The following DLG2 variants were observed in gnomAD, a reference collection of about 807,000 sequenced individuals.
DLG2 encodes disks large homolog 2.
DLG2 carries 45 observed loss-of-function variants against 132.5 expected under a neutral mutation model. The observed-to-expected ratio is 0.34, with a 90% CI of 0.27 to 0.44. DLG2 has a LOEUF of 0.44. Among genes scored for constraint, DLG2 ranks in the 20% least tolerant of loss-of-function variants. The probability of loss-of-function intolerance (pLI) is 1.00; values close to 1 mark genes in which losing one functional copy is unlikely to be tolerated. For missense variants in DLG2, 1,045 were observed against 1,196.9 expected, an observed-to-expected ratio of 0.87 and a Z score of 1.87; for synonymous variants, 424 against 419.6, an observed-to-expected ratio of 1.01 and a Z score of -0.13.
chr11:85,608,237 C>G (rs2080731881), intron 2 of DLG2, among the ~76,000 whole-genome samples: 2 of 152,084 alleles, frequency 1.3e-5, no homozygotes, highest in African/African-American at 4.8e-5. Context: ...ACTCAGGCAT[C>G]AAAAGGCTCA....
chr11:84,027,841 A>G (rs1238808457), intron 11 of DLG2, among the ~76,000 whole-genome samples: 1 of 152,000 alleles, frequency 6.6e-6, no homozygotes, highest in East Asian at 1.9e-4. Flanking sequence ...AGATTTGTAA[A>G]ATAATGTAGG....
intron 9 of DLG2, among the ~76,000 whole-genome samples, chr11:84,158,127 C>T (rs1405784209): frequency 6.6e-6 from 1 of 151,574 alleles, no homozygotes; most frequent in Non-Finnish European, 1.5e-5. Flanking sequence ...GCAGTGGCAC[C>T]ATCTTGGCTC....
At chr11:85,371,569 T>G (rs991018548) in intron 3 of DLG2, among the ~76,000 whole-genome samples, 1 of 152,196 alleles carries the variant, frequency 6.6e-6, no homozygotes, top group Non-Finnish European at 1.5e-5. Flanking sequence ...AGGGTATGCT[T>G]CCGTTTGAGG....
chr11:84,065,442 A>G (rs2096656601), intron 10 of DLG2, among the ~76,000 whole-genome samples: 1 of 152,216 alleles, frequency 6.6e-6, no homozygotes, highest in African/African-American at 2.4e-5. Flanking sequence ...AGACATAGAC[A>G]TGGCCAGCAA....
At chr11:85,460,528 T>C (rs2092572896) in intron 3 of DLG2, among the ~76,000 whole-genome samples, 1 of 152,158 alleles carries the variant, frequency 6.6e-6, no homozygotes, top group African/African-American at 2.4e-5. Context: ...CTTTGCTCCA[T>C]TCTCCATGGG....
chr11:83,777,981 C>T (rs715858), intron 18 of DLG2, among the ~76,000 whole-genome samples: 106,025 of 152,078 alleles, frequency 0.7, 38,709 homozygotes, highest in African/African-American at 0.91. Flanking sequence ...ATGACTTAGG[C>T]GTGCTCAATA....
chr11:85,384,527 T>A (rs2086163303), intron 3 of DLG2, among the ~76,000 whole-genome samples: 1 of 152,220 alleles, frequency 6.6e-6, no homozygotes, highest in South Asian at 2.1e-4. Flanking sequence ...TCCCTATTTA[T>A]AAACTGAGCT....
chr11:84,186,616 C>G (rs185603803), intron 8 of DLG2, among the ~76,000 whole-genome samples: 1 of 151,906 alleles, frequency 6.6e-6, no homozygotes, highest in African/African-American at 2.4e-5. Context: ...ACCTCTAATA[C>G]CCCACAGAGT....
intron 3 of DLG2, among the ~76,000 whole-genome samples, chr11:85,355,819 T>C (rs1332916563): frequency 6.6e-6 from 1 of 152,182 alleles, no homozygotes; most frequent in African/African-American, 2.4e-5. Flanking sequence ...TATCCAAGAC[T>C]AAGAGTTTAA....
intron 7 of DLG2, among the ~76,000 whole-genome samples, chr11:84,378,621 T>C (rs2098738308): frequency 6.6e-6 from 1 of 151,772 alleles, no homozygotes; most frequent in Non-Finnish European, 1.5e-5. Context: ...ACACTGTGTG[T>C]TCTAAAAACC....
At chr11:85,143,906 T>G (rs2076665377) in intron 5 of DLG2, among the ~76,000 whole-genome samples, 1 of 151,888 alleles carries the variant, frequency 6.6e-6, no homozygotes, top group South Asian at 2.1e-4. Flanking sequence ...TTCTGCAGCT[T>G]TTGGATAAAA....
chr11:85,476,474 A>G (rs529861485), intron 3 of DLG2, among the ~76,000 whole-genome samples: 1 of 152,212 alleles, frequency 6.6e-6, no homozygotes, highest in Admixed American at 6.5e-5. Context: ...TAACTTTTCT[A>G]CTTTACACAT....
intron 8 of DLG2, among the ~76,000 whole-genome samples, chr11:84,164,550 C>T (rs867331442): frequency 6.6e-6 from 1 of 152,190 alleles, no homozygotes; most frequent in African/African-American, 2.4e-5. Flanking sequence ...GACAGCCAGC[C>T]CTGTTGCCTA....
chr11:83,729,145 C>T (rs1019867955), intron 18 of DLG2, among the ~76,000 whole-genome samples: 1 of 152,158 alleles, frequency 6.6e-6, no homozygotes, highest in Non-Finnish European at 1.5e-5. Context: ...TCTTATTTAT[C>T]AACTGCTTAA....
chr11:84,774,751 A>T (rs2070128134), intron 6 of DLG2, among the ~76,000 whole-genome samples: 1 of 152,138 alleles, frequency 6.6e-6, no homozygotes, highest in Admixed American at 6.6e-5. Flanking sequence ...GCAGAAGAAT[A>T]AACCTGGACC....
intron 3 of DLG2, among the ~76,000 whole-genome samples, chr11:85,403,695 A>G (rs1310597342): frequency 6.6e-6 from 1 of 151,774 alleles, no homozygotes; most frequent in Non-Finnish European, 1.5e-5. Flanking sequence ...GAGAGTGGAA[A>G]CCAACAGAAA....
intron 22 of DLG2, chr11:83,480,554 C>T: frequency 6.5e-7 from 1 of 1,538,540 alleles, no homozygotes; most frequent in African/African-American, 1.4e-5. Flanking sequence ...ATTAAGAAAA[C>T]TCAGATAAGA....
intron 11 of DLG2, among the ~76,000 whole-genome samples, chr11:84,011,914 G>A (rs1312842390): frequency 6.6e-6 from 1 of 151,954 alleles, no homozygotes; most frequent in Non-Finnish European, 1.5e-5. Flanking sequence ...AATTACATGT[G>A]TTTCAATTCA....
intron 11 of DLG2, among the ~76,000 whole-genome samples, chr11:83,990,132 G>T (rs1009905211): frequency 6.6e-6 from 1 of 152,076 alleles, no homozygotes; most frequent in African/African-American, 2.4e-5. Context: ...ACAGAAAAAT[G>T]TAAGTAATCA....
Sources: gnomAD v4.1 joint callset for allele counts (sites outside exome capture counted in the v4.1 genomes callset) on GRCh38, gnomAD v4.1.1 for gene constraint, MANE v1.5 for transcripts, NCBI Gene and HGNC (gene_info 2026-07-23, HGNC 2026-07-21) for gene names.